Variants in GRID1 observed in about 807,000 individuals in gnomAD.
GRID1 encodes the protein glutamate ionotropic receptor delta type subunit 1.
A neutral mutation model predicts 98.0 loss-of-function variants in GRID1; 28 were observed. The observed-to-expected ratio is 0.29, with a 90% CI of 0.21 to 0.39. The LOEUF (loss-of-function observed/expected upper bound fraction) is 0.39, where lower values mean the gene tolerates loss of function less well. GRID1 is among the 10% of genes least tolerant of loss of function. GRID1 has a pLI of 1.00. For missense variants in GRID1, 1,111 were observed against 1,340.5 expected (o/e 0.83, Z 2.67); for synonymous variants, 553 against 538.5 (o/e 1.03, Z -0.37).
chr10:86,232,422 A>C (rs1249930732), intron 2 of GRID1, among the ~76,000 whole-genome samples: 2 of 152,198 alleles, frequency 1.3e-5, no homozygotes, highest in Non-Finnish European at 2.9e-5. Flanking sequence ...GAGGTTTCAC[A>C]AGCCCAAGAC....
At chr10:86,239,126 C>A (rs569497883) in intron 2 of GRID1, among the ~76,000 whole-genome samples, 1 of 152,358 alleles carries the variant, frequency 6.6e-6, no homozygotes, top group East Asian at 1.9e-4. Flanking sequence ...CAGAGCCGCC[C>A]AAGGCCCTGC....
At chr10:85,706,495 A>G (rs950553691) in intron 12 of GRID1, among the ~76,000 whole-genome samples, 2 of 152,230 alleles carry the variant, frequency 1.3e-5, no homozygotes, top group Admixed American at 6.5e-5. Context: ...TGCCATGCTC[A>G]TGGGTAGGAA....
chr10:86,201,387 A>G (rs1393894066), intron 3 of GRID1, among the ~76,000 whole-genome samples: 1 of 152,226 alleles, frequency 6.6e-6, no homozygotes, highest in Admixed American at 6.5e-5. Context: ...CTATCAAGGA[A>G]TGGAGCTGCA....
chr10:86,057,929 G>A (rs1843597068), intron 4 of GRID1, among the ~76,000 whole-genome samples: 1 of 152,082 alleles, frequency 6.6e-6, no homozygotes, highest in African/African-American at 2.4e-5. Flanking sequence ...CCAGGCATGC[G>A]GTGTGCGCTC....
chr10:85,892,596 C>G (rs1480168484), intron 5 of GRID1, among the ~76,000 whole-genome samples: 8 of 149,878 alleles, frequency 5.3e-5, no homozygotes, highest in Non-Finnish European at 1.2e-4. Context: ...ACATGCAAAA[C>G]TAAAGCAAAG....
At chr10:86,217,360 A>G (rs1846190190) in intron 2 of GRID1, among the ~76,000 whole-genome samples, 1 of 152,264 alleles carries the variant, frequency 6.6e-6, no homozygotes. Context: ...TGAGAATTAA[A>G]TGAACTAATT....
At chr10:86,048,185 T>C (rs981659670) in intron 4 of GRID1, among the ~76,000 whole-genome samples, 1 of 152,166 alleles carries the variant, frequency 6.6e-6, no homozygotes, top group Non-Finnish European at 1.5e-5. Context: ...GGGGCTCTAA[T>C]TTGCATTTAT....
At chr10:86,178,926 G>A (rs1350724787) in intron 3 of GRID1, among the ~76,000 whole-genome samples, 1 of 152,184 alleles carries the variant, frequency 6.6e-6, no homozygotes. Flanking sequence ...AGGCATTGCA[G>A]AGGCTGGAGG....
chr10:85,611,383 G>A (rs921824748), intron 15 of GRID1, among the ~76,000 whole-genome samples: 1 of 152,164 alleles, frequency 6.6e-6, no homozygotes, highest in Non-Finnish European at 1.5e-5. Flanking sequence ...GCTAGAGGCT[G>A]GGGCTGAGCC....
intron 4 of GRID1, among the ~76,000 whole-genome samples, chr10:85,941,051 A>T (rs1053056167): frequency 3.3e-5 from 5 of 152,230 alleles, no homozygotes; most frequent in African/African-American, 1.2e-4. Context: ...ACCCACATAT[A>T]TCAGGTGCTT....
chr10:86,133,317 T>C (rs1013864140), intron 4 of GRID1, among the ~76,000 whole-genome samples: 23 of 151,736 alleles, frequency 1.5e-4, no homozygotes, highest in African/African-American at 5.1e-4. Flanking sequence ...GCTGTGTCCA[T>C]GTGTGCATGT....
At chr10:85,940,529 C>T (rs1296440478) in intron 4 of GRID1, among the ~76,000 whole-genome samples, 2 of 152,110 alleles carry the variant, frequency 1.3e-5, no homozygotes, top group East Asian at 1.9e-4. Context: ...GAGAAACATC[C>T]GTTTCTATCG....
chr10:86,096,785 T>C (rs940110411), intron 4 of GRID1, among the ~76,000 whole-genome samples: 2 of 152,214 alleles, frequency 1.3e-5, no homozygotes, highest in Admixed American at 6.5e-5. Context: ...GACAGTACCT[T>C]GCAGAGCTGG....
At chr10:85,814,939 T>C (rs765965724) in intron 8 of GRID1, among the ~76,000 whole-genome samples, 3 of 151,956 alleles carry the variant, frequency 2.0e-5, no homozygotes, top group Non-Finnish European at 4.4e-5. Context: ...CAAAACCAAA[T>C]GGTCATTACA....
intron 13 of GRID1, chr10:85,646,271 AG>A (rs140075829): frequency 0.076 from 11,639 of 152,430 alleles, 705 homozygotes; most frequent in African/African-American, 0.16. Context: ...GGTCCTGGCC[AG>A]GGGGCTGTAC....
intron 3 of GRID1, among the ~76,000 whole-genome samples, chr10:86,185,668 T>C (rs1845716772): frequency 6.6e-6 from 1 of 152,210 alleles, no homozygotes; most frequent in Non-Finnish European, 1.5e-5. Flanking sequence ...CTGAGAGTTT[T>C]AACATAACTG....
intron 4 of GRID1, among the ~76,000 whole-genome samples, chr10:86,008,239 T>G (rs1257104842): frequency 6.6e-6 from 1 of 152,014 alleles, no homozygotes; most frequent in Non-Finnish European, 1.5e-5. Context: ...AGGAACTGGG[T>G]TCACCAGAAA....
At chr10:86,223,652 C>A (rs1846294428) in intron 2 of GRID1, among the ~76,000 whole-genome samples, 1 of 152,252 alleles carries the variant, frequency 6.6e-6, no homozygotes, top group Non-Finnish European at 1.5e-5. Flanking sequence ...GGCAGCTCAG[C>A]TCAGGCTTTG....
chr10:85,933,776 C>A (rs1841890113), intron 4 of GRID1, among the ~76,000 whole-genome samples: 1 of 152,176 alleles, frequency 6.6e-6, no homozygotes, highest in African/African-American at 2.4e-5. Context: ...ATACATCAAG[C>A]AATCCAAAGA....
Sources: gnomAD v4.1 joint callset for allele counts (sites outside exome capture counted in the v4.1 genomes callset) on GRCh38, gnomAD v4.1.1 for gene constraint, MANE v1.5 for transcripts, NCBI Gene and HGNC (gene_info 2026-07-23, HGNC 2026-07-21) for gene names.